GRIPAP1: variants seen among roughly 807,000 people sequenced by gnomAD.
GRIPAP1 encodes the protein GRIP1 associated protein 1, also known as GRIP1-associated protein 1.
A neutral mutation model predicts 84.1 loss-of-function variants in GRIPAP1; 14 were observed. That is an observed-to-expected ratio of 0.17 (90% CI 0.11 to 0.26). The LOEUF (loss-of-function observed/expected upper bound fraction) is 0.26. Among genes scored for constraint, GRIPAP1 ranks in the 10% least tolerant of loss-of-function variants. The pLI, the probability that GRIPAP1 is intolerant of heterozygous loss-of-function variation, is 1.00. For missense variants in GRIPAP1, 518 were observed against 674.2 expected, an observed-to-expected ratio of 0.77 and a Z score of 2.57; for synonymous variants, 261 against 256.8, an observed-to-expected ratio of 1.02 and a Z score of -0.15.
intron 22 of GRIPAP1, chrX:48,976,906 A>ATT (rs782246047): frequency 3.0e-5 from 3 of 101,322 alleles, no homozygotes; most frequent in Non-Finnish European, 4.1e-5. Flanking sequence ...GACGACATGA[A>ATT]TTTTTTTTTT....
At position 48,987,921 on chromosome X, in the gene GRIPAP1, G is replaced by A. The variant is rs1557064379; in HGVS notation, c.949-44C>T. The A allele has an allele frequency of 3.3e-6, 3 of 914,548 alleles. No homozygotes were observed. The Admixed American group carries it at 7.3e-5, about 22-fold the overall frequency. 75.4% of individuals were successfully genotyped at this position (914,548 alleles called of 1,213,427 possible). ...CAGGTGAGAGTGGGTCCAGAACAGGGGGACAGGACCTACCCACGACCAAGA... is the reference window on the plus strand; with the variant it reads ...CAGGTGAGAGTGGGTCCAGAACAGGAGGACAGGACCTACCCACGACCAAGA... On this transcript the variant is annotated intron_variant, in intron 12 of 25. Transcript: ENST00000376423.
At position 48,988,193 on chromosome X, in the gene GRIPAP1, C is replaced by A; in HGVS notation, c.876G>T (p.Leu292Phe). The A allele has an allele frequency of 8.4e-7, 1 of 1,191,006 alleles. No individual in the cohort carries two copies. The highest frequency in any genetic ancestry group is 1.1e-6 in the Non-Finnish European group (1 of 883,650). The change falls in exon 12 of 26, where the codon TTG becomes TTT. Residue 292 changes from leucine (L) to phenylalanine (F), a missense_variant. Leu to Phe is a conservative substitution (Grantham distance 22). Transcript: ENST00000376423. The stretch of plus-strand genomic sequence containing the variant: ...CCTGCCGCTGATCTCTCAGCTCTGC[C>A]AAGCTCTGTGGAGACCAGGGGAGCC... The part of the protein sequence containing the change: ...QQELEAANQS[L>F]AELRDQRQGE...
chrX:48,988,016 C>T, intron 12 of GRIPAP1, 105 bp downstream of exon 12: 1 of 651,917 alleles, frequency 1.5e-6, no homozygotes, highest in East Asian at 3.6e-5. Flanking sequence ...CACACGAAGG[C>T]CTGGGGGAAG....
At chrX:48,979,530 G>A (rs1200213268) in intron 21 of GRIPAP1, among the ~76,000 whole-genome samples, 2 of 100,649 alleles carry the variant, frequency 2.0e-5, no homozygotes, top group Admixed American at 1.1e-4. Context: ...TCGTACCCAC[G>A]CACCTAAATC....
At chrX:48,989,512 A>T (rs949976047) in intron 11 of GRIPAP1, 99 bp downstream of exon 11, 4 of 542,402 alleles carry the variant, frequency 7.4e-6, no homozygotes, top group Non-Finnish European at 1.2e-5. Flanking sequence ...CAACACAGGA[A>T]ATCTCAGACT....
At chrX:48,981,388 G>A in intron 20 of GRIPAP1, 28 bp downstream of exon 20, 1 of 1,205,385 alleles carries the variant, frequency 8.3e-7, no homozygotes, top group Non-Finnish European at 1.1e-6. Context: ...GTAGGAGGGA[G>A]CCGTGCTTGG....
Position 48,983,344 on chromosome X carries a change from G to A in GRIPAP1, c.1369C>T (p.Arg457Trp), listed in dbSNP as rs782302254. ...ACCCCCAGCACCTCCTTCTCATGCC[G>A]TAGACGAACTGCTCCCAGCTCTTCC... The part of the protein sequence containing the change: ...HKEELGAVRL[R>W]HEKEVLGVRA... The change falls in exon 16 of 26, where the codon CGG (arginine) becomes TGG (tryptophan). Residue 457 changes from arginine (R) to tryptophan (W), a missense_variant. Physicochemically the swap from Arg to Trp is moderately radical, Grantham distance 101. Coordinates refer to ENST00000376423, the MANE Select transcript of GRIPAP1 (RefSeq NM_020137.5). 2.5e-6 allele frequency: 3 copies of A among 1,210,956 alleles called. No individual in the cohort carries two copies. The highest frequency in any genetic ancestry group is 3.0e-5 in the East Asian group (1 of 33,862).
chrX:48,994,454 C>A (rs2064536730), intron 5 of GRIPAP1, among the ~76,000 whole-genome samples: 1 of 110,481 alleles, frequency 9.1e-6, no homozygotes, highest in Non-Finnish European at 1.9e-5. Flanking sequence ...GAACTCCTGA[C>A]CTCAGGTGAT....
At chrX:48,987,084 G>A (rs1557064020) in intron 13 of GRIPAP1, among the ~76,000 whole-genome samples, 3 of 107,013 alleles carry the variant, frequency 2.8e-5, no homozygotes, top group East Asian at 5.8e-4. Flanking sequence ...CTGACCTCAG[G>A]TGATCCGCCC....
intron 3 of GRIPAP1, chrX:48,998,948 G>A: frequency 3.1e-6 from 1 of 319,527 alleles, no homozygotes; most frequent in Non-Finnish European, 5.4e-6. Context: ...CAGATTCGAG[G>A]TAGATTTACT....
intron 22 of GRIPAP1, chrX:48,977,234 A>G (rs1248171440): frequency 5.4e-5 from 6 of 110,530 alleles, no homozygotes; most frequent in Non-Finnish European, 1.9e-5. Context: ...CAAATTGGGA[A>G]GGTAGAGACA....
intron 6 of GRIPAP1, among the ~76,000 whole-genome samples, chrX:48,991,837 C>T (rs1238414377): frequency 9.1e-6 from 1 of 110,446 alleles, no homozygotes; most frequent in African/African-American, 3.3e-5. Context: ...GAGACTCCGT[C>T]TCAAAAAAAT....
chrX:48,992,772 C>T (rs782437246), intron 6 of GRIPAP1, among the ~76,000 whole-genome samples: 1 of 111,888 alleles, frequency 8.9e-6, no homozygotes, highest in Non-Finnish European at 1.9e-5. Flanking sequence ...CACTTACAAT[C>T]TGGGCTCAGA....
chrX:48,995,535 G>T (rs2064542767), intron 5 of GRIPAP1, among the ~76,000 whole-genome samples: 1 of 111,844 alleles, frequency 8.9e-6, no homozygotes, highest in Non-Finnish European at 1.9e-5. Flanking sequence ...GGCGGCTGTA[G>T]AAACAGCAGA....
chrX:48,988,421 C>T (rs1398444400), intron 11 of GRIPAP1: 1 of 412,767 alleles, frequency 2.4e-6, no homozygotes, highest in Admixed American at 4.1e-5. Flanking sequence ...ATCTCAGGCA[C>T]GACTAGACTC....
chrX:48,990,778 A>G, intron 7 of GRIPAP1, 46 bp from the exon 8 acceptor site: 1 of 1,134,818 alleles, frequency 8.8e-7, no homozygotes, highest in Non-Finnish European at 1.2e-6. Flanking sequence ...TAGCAAGGAC[A>G]AGGAGAAGCC....
At chrX:49,000,061 GCC>G (rs2064569011) in intron 1 of GRIPAP1, among the ~76,000 whole-genome samples, 1 of 110,170 alleles carries the variant, frequency 9.1e-6, no homozygotes, top group Non-Finnish European at 1.9e-5. Flanking sequence ...ATACATCCAG[GCC>G]CCCTTCAATA....
At chrX:48,979,180 CAGAG>C (rs1192691328) in intron 21 of GRIPAP1, among the ~76,000 whole-genome samples, 1 of 109,847 alleles carries the variant, frequency 9.1e-6, no homozygotes, top group African/African-American at 3.3e-5. Context: ...AGAGCAGAGA[CAGAG>C]AGAAAAAAAG....
chrX:48,987,702 C>A, intron 13 of GRIPAP1, 83 bp downstream of exon 13: 1 of 609,194 alleles, frequency 1.6e-6, no homozygotes. Context: ...GGGTCCAGAC[C>A]ACCCTACCCT....
Sources: gnomAD v4.1 joint callset for allele counts (sites outside exome capture counted in the v4.1 genomes callset) on GRCh38, gnomAD v4.1.1 for gene constraint, MANE v1.5 for transcripts, NCBI Gene and HGNC (gene_info 2026-07-23, HGNC 2026-07-21) for gene names.